Variants in SLC22A15 observed in about 807,000 individuals in gnomAD.
The protein encoded by SLC22A15 is flipt 1.
In SLC22A15, 45 loss-of-function variants were observed where a neutral mutation model predicts 62.7. The observed-to-expected ratio is 0.72, with a 90% CI of 0.56 to 0.92. The LOEUF is 0.92. Ranked by LOEUF, SLC22A15 falls within the 40% of genes least tolerant of loss-of-function variation. SLC22A15 has a pLI of 0.00. For synonymous variants in SLC22A15, 264 were observed against 267.0 expected, an observed-to-expected ratio of 0.99 and a Z score of 0.11; for missense variants, 622 against 665.6, an observed-to-expected ratio of 0.93 and a Z score of 0.72.
intron 3 of SLC22A15, 125 bp from the exon 4 acceptor site, chr1:116,020,596 C>A: frequency 1.2e-6 from 1 of 843,506 alleles, no homozygotes; most frequent in Non-Finnish European, 1.7e-6. Flanking sequence ...AAAAGAAACC[C>A]ACAAAAACAG....
chr1:116,033,830 T>A (rs894110682), intron 6 of SLC22A15, among the ~76,000 whole-genome samples: 15 of 152,192 alleles, frequency 9.9e-5, no homozygotes, highest in African/African-American at 3.6e-4. Context: ...CTGGCTACAA[T>A]CCTGCCCGTT....
intron 2 of SLC22A15, among the ~76,000 whole-genome samples, chr1:116,014,856 G>A (rs957877291): frequency 8.5e-5 from 13 of 152,088 alleles, no homozygotes; most frequent in Non-Finnish European, 1.9e-4. Flanking sequence ...TTTTATCCTA[G>A]TACTAAGTAT....
At chr1:116,019,060 T>C (rs1364121147) in intron 2 of SLC22A15, among the ~76,000 whole-genome samples, 32 of 152,268 alleles carry the variant, frequency 2.1e-4, no homozygotes, top group Non-Finnish European at 3.8e-4. Flanking sequence ...TTCGTGTCCC[T>C]GCTTTTAGTT....
intron 2 of SLC22A15, among the ~76,000 whole-genome samples, chr1:116,000,369 C>T (rs1655660032): frequency 6.6e-6 from 1 of 152,048 alleles, no homozygotes; most frequent in Admixed American, 6.6e-5. Flanking sequence ...AAAGAGAAAA[C>T]TAATAAAAAG....
chr1:116,032,432 T>G (rs1405758120), intron 6 of SLC22A15: 23 of 985,286 alleles, frequency 2.3e-5, no homozygotes, highest in Admixed American at 6.1e-5. Flanking sequence ...GTATTTGCCA[T>G]GAAGCCTGCA....
intron 8 of SLC22A15, among the ~76,000 whole-genome samples, chr1:116,061,180 T>C (rs1013664379): frequency 1.3e-5 from 2 of 152,148 alleles, no homozygotes; most frequent in Non-Finnish European, 2.9e-5. Flanking sequence ...GTTACCAACC[T>C]GGGTCTGAGA....
At chr1:116,035,029 T>C (rs1163316213) in intron 6 of SLC22A15, among the ~76,000 whole-genome samples, 158 bp from the exon 7 acceptor site, 1 of 152,216 alleles carries the variant, frequency 6.6e-6, no homozygotes, top group African/African-American at 2.4e-5. Context: ...AAATTTAGAT[T>C]AAAATAGAAA....
intron 8 of SLC22A15, among the ~76,000 whole-genome samples, chr1:116,060,502 G>A (rs1156613567): frequency 6.6e-6 from 1 of 152,182 alleles, no homozygotes; most frequent in Non-Finnish European, 1.5e-5. Context: ...AGATTTCAAG[G>A]ATGGCAGTTC....
At chr1:116,042,099 C>A (rs1296034145) in intron 8 of SLC22A15, among the ~76,000 whole-genome samples, 9 of 145,268 alleles carry the variant, frequency 6.2e-5, no homozygotes, top group South Asian at 2.2e-4. Flanking sequence ...ATAACATTAA[C>A]AAAAAAAAAA....
At chr1:116,028,071 A>G (rs1036736177) in intron 5 of SLC22A15, among the ~76,000 whole-genome samples, 3 of 152,218 alleles carry the variant, frequency 2.0e-5, no homozygotes, top group African/African-American at 7.2e-5. Context: ...GACCTGTAGT[A>G]GTGTTTTAAT....
At chr1:116,055,009 G>A (rs2101546213) in intron 8 of SLC22A15, among the ~76,000 whole-genome samples, 1 of 151,902 alleles carries the variant, frequency 6.6e-6, no homozygotes, top group East Asian at 1.9e-4. Flanking sequence ...AAAAGAAAGA[G>A]CAAACACATT....
intron 2 of SLC22A15, among the ~76,000 whole-genome samples, chr1:116,002,828 G>A (rs187999412): frequency 6.6e-6 from 1 of 151,774 alleles, no homozygotes; most frequent in East Asian, 1.9e-4. Flanking sequence ...GAGTTGGCTT[G>A]GTTCTTTATT....
chr1:116,058,148 AGCAAAAG>A (rs1396482716), intron 8 of SLC22A15, among the ~76,000 whole-genome samples: 1 of 152,116 alleles, frequency 6.6e-6, no homozygotes, highest in East Asian at 1.9e-4. Flanking sequence ...GCTTCTACAT[AGCAAAAG>A]GCACAGTCAG....
At chr1:116,065,807 ATGT>A (rs948622581) in intron 10 of SLC22A15, among the ~76,000 whole-genome samples, 3 of 152,164 alleles carry the variant, frequency 2.0e-5, no homozygotes, top group Non-Finnish European at 4.4e-5. Flanking sequence ...GAATTCTAAA[ATGT>A]TGATCAGCTC....
intron 6 of SLC22A15, chr1:116,031,960 TAC>T (rs1269765696): frequency 9.3e-7 from 1 of 1,069,810 alleles, no homozygotes; most frequent in Admixed American, 5.0e-5. Context: ...TAAAAATACT[TAC>T]CTTTGGCACT....
intron 1 of SLC22A15, among the ~76,000 whole-genome samples, chr1:115,984,471 T>C (rs965131853): frequency 1.8e-4 from 28 of 152,208 alleles, no homozygotes; most frequent in African/African-American, 6.8e-4. Flanking sequence ...GGATATACAG[T>C]CATGCCCCAC....
At chr1:115,983,235 T>C (rs149948613) in intron 1 of SLC22A15, among the ~76,000 whole-genome samples, 39 of 152,376 alleles carry the variant, frequency 2.6e-4, no homozygotes, top group African/African-American at 9.1e-4. Context: ...TGTTTTATTG[T>C]ATTTATTCAT....
chr1:116,050,452 A>G (rs556689593), intron 8 of SLC22A15, among the ~76,000 whole-genome samples: 1 of 152,358 alleles, frequency 6.6e-6, no homozygotes, highest in Admixed American at 6.5e-5. Context: ...ATGCAAGTCA[A>G]TGTGATACAC....
At chr1:116,053,907 C>G (rs1658127476) in intron 8 of SLC22A15, among the ~76,000 whole-genome samples, 1 of 151,712 alleles carries the variant, frequency 6.6e-6, no homozygotes. Context: ...GAAGGAAGCA[C>G]TAAACATGGA....
Sources: allele counts gnomAD v4.1 joint callset (sites outside exome capture counted in the v4.1 genomes callset), GRCh38; gene constraint gnomAD v4.1.1; transcripts MANE v1.5; gene names NCBI Gene and HGNC (gene_info 2026-07-23, HGNC 2026-07-21).